MRTFB: variants seen among roughly 807,000 people sequenced by gnomAD.
MRTFB encodes the protein myocardin related transcription factor B.
In MRTFB, 29 loss-of-function variants were observed where a neutral mutation model predicts 104.2. The ratio of observed to expected loss-of-function variants is 0.28; its 90% CI spans 0.21 to 0.38. MRTFB has a LOEUF of 0.38. Among genes scored for constraint, MRTFB ranks in the 10% least tolerant of loss-of-function variants. The pLI, the probability that MRTFB is intolerant of heterozygous loss-of-function variation, is 1.00. For missense variants in MRTFB, 1,270 were observed against 1,341.6 expected (o/e 0.95, Z 0.83); for synonymous variants, 535 against 519.5 (o/e 1.03, Z -0.41).
At chr16:14,256,122 AAAG>A (rs1421643159) in intron 15 of MRTFB, among the ~76,000 whole-genome samples, 27 of 146,968 alleles carry the variant, frequency 1.8e-4, no homozygotes, top group African/African-American at 4.7e-4. Flanking sequence ...AAAAAAAAAA[AAAG>A]AAAGAAAGAA....
intron 3 of MRTFB, among the ~76,000 whole-genome samples, chr16:14,149,728 T>C (rs1482833898): frequency 6.6e-6 from 1 of 152,242 alleles, no homozygotes; most frequent in Non-Finnish European, 1.5e-5. Flanking sequence ...TGAAAGTTCA[T>C]GATGTAGTAT....
At chr16:14,214,611 A>T (rs1368431806) in intron 6 of MRTFB, among the ~76,000 whole-genome samples, 1 of 152,200 alleles carries the variant, frequency 6.6e-6, no homozygotes, top group African/African-American at 2.4e-5. Flanking sequence ...CCAGAGACCC[A>T]ACAAGTGAGC....
At chr16:14,129,080 C>A (rs2037309563) in intron 2 of MRTFB, among the ~76,000 whole-genome samples, 1 of 152,234 alleles carries the variant, frequency 6.6e-6, no homozygotes, top group Non-Finnish European at 1.5e-5. Flanking sequence ...TGTTGTTTCA[C>A]CTATCAGTAG....
At chr16:14,011,178 G>A in the MRTFB span, among the ~76,000 whole-genome samples, 1 of 152,232 alleles carries the variant, frequency 6.6e-6, no homozygotes, top group Middle Eastern at 3.2e-3. Context: ...AGGAGCCCAG[G>A]CAATGATTGA....
chr16:14,159,435 T>C (rs2038947365), intron 3 of MRTFB, among the ~76,000 whole-genome samples: 1 of 152,146 alleles, frequency 6.6e-6, no homozygotes, highest in Non-Finnish European at 1.5e-5. Flanking sequence ...GCCAGTAAAA[T>C]TGAAAGCCTG....
At chr16:14,131,736 A>G (rs1322417386) in intron 2 of MRTFB, among the ~76,000 whole-genome samples, 1 of 152,032 alleles carries the variant, frequency 6.6e-6, no homozygotes, top group Admixed American at 6.5e-5. Context: ...AATCAAAACC[A>G]CAATGAGTTA....
chr16:14,116,191 C>A (rs1406441684), intron 2 of MRTFB, among the ~76,000 whole-genome samples: 5 of 151,784 alleles, frequency 3.3e-5, no homozygotes, highest in Admixed American at 3.3e-4. Flanking sequence ...AAACATATTT[C>A]TTCTGTTCCA....
chr16:14,224,094 C>A (rs143100761), intron 8 of MRTFB, among the ~76,000 whole-genome samples: 1 of 152,080 alleles, frequency 6.6e-6, no homozygotes, highest in African/African-American at 2.4e-5. Flanking sequence ...CAGGAGAGAG[C>A]GAGCGAGCAC....
the MRTFB span, among the ~76,000 whole-genome samples, chr16:14,062,171 C>T: frequency 6.6e-6 from 1 of 152,190 alleles, no homozygotes; most frequent in Non-Finnish European, 1.5e-5. Context: ...CAGCTCACTG[C>T]AGCCTCAACC....
rs552517595 is a variant in MRTFB at position 14,123,110 on chromosome 16, C to T, written c.-63-17434C>T. Among the ~76,000 whole-genome samples, 3 of 152,298 alleles carry T rather than the reference C, an allele frequency of 2.0e-5. No individual in the cohort carries two copies. In the East Asian group the frequency reaches 5.8e-4, roughly 29 times the overall value. On this transcript the variant is annotated intron_variant, in intron 2 of 16. Coordinates refer to ENST00000571589, the MANE Select transcript of MRTFB (RefSeq NM_001308142.2). The stretch of plus-strand genomic sequence containing the variant: ...TCTTCTTTTGAGAAGTGTCGGTTCA[C>T]ACCCTTTGCTCACTTTTTGATGGGG...
intron 2 of MRTFB, among the ~76,000 whole-genome samples, chr16:14,118,870 C>T (rs9928147): frequency 0.15 from 22,190 of 151,648 alleles, 2,398 homozygotes; most frequent in East Asian, 0.29. Context: ...CTGTGGCTTG[C>T]TTTTTTCATT....
intron 3 of MRTFB, among the ~76,000 whole-genome samples, chr16:14,165,409 G>C (rs2039197913): frequency 6.6e-6 from 1 of 152,070 alleles, no homozygotes; most frequent in Non-Finnish European, 1.5e-5. Flanking sequence ...TGCCACTCTT[G>C]TCTGCAGTTC....
chr16:14,244,589 A>T (rs531426281), intron 10 of MRTFB, among the ~76,000 whole-genome samples: 2 of 152,190 alleles, frequency 1.3e-5, no homozygotes, highest in Non-Finnish European at 2.9e-5. Flanking sequence ...CTTACTCATT[A>T]TATCAATTCC....
the MRTFB span, among the ~76,000 whole-genome samples, chr16:14,059,488 T>A: frequency 6.6e-6 from 1 of 152,080 alleles, no homozygotes. Context: ...AGGATGCTAG[T>A]CAGATGACCC....
the MRTFB span, among the ~76,000 whole-genome samples, chr16:14,022,984 C>T: frequency 2.6e-5 from 4 of 152,176 alleles, no homozygotes; most frequent in African/African-American, 9.7e-5. Context: ...GCGTGAGCCA[C>T]TGTGCCCAGC....
intron 2 of MRTFB, among the ~76,000 whole-genome samples, chr16:14,116,913 T>C (rs28662214): frequency 0.21 from 31,383 of 152,036 alleles, 5,727 homozygotes; most frequent in African/African-American, 0.48. Flanking sequence ...CCTGCCTTGG[T>C]ACACATGGGT....
At chr16:14,227,317 C>G (rs2042051351) in intron 8 of MRTFB, among the ~76,000 whole-genome samples, 1 of 152,010 alleles carries the variant, frequency 6.6e-6, no homozygotes. Flanking sequence ...AAAGAAAAGC[C>G]CAGCCCCTCC....
chr16:14,138,771 T>A (rs914845423), intron 2 of MRTFB, among the ~76,000 whole-genome samples: 1 of 152,120 alleles, frequency 6.6e-6, no homozygotes, highest in East Asian at 1.9e-4. Flanking sequence ...AAGTAATAGA[T>A]CTATTTATGC....
chr16:14,231,812 G>A (rs557491570), intron 8 of MRTFB, among the ~76,000 whole-genome samples: 4 of 152,256 alleles, frequency 2.6e-5, no homozygotes, highest in African/African-American at 9.6e-5. Flanking sequence ...GGTTTGGTAC[G>A]GGAACGGAGG....
Sources: allele counts gnomAD v4.1 joint callset (sites outside exome capture counted in the v4.1 genomes callset), GRCh38; gene constraint gnomAD v4.1.1; transcripts MANE v1.5; gene names NCBI Gene and HGNC (gene_info 2026-07-23, HGNC 2026-07-21).